FOXP1: variants seen among roughly 807,000 people sequenced by gnomAD.
FOXP1 encodes forkhead box P1.
Under a neutral mutation model 98.2 loss-of-function variants are expected in FOXP1, and 15 were observed. The ratio of observed to expected loss-of-function variants is 0.15; its 90% CI spans 0.10 to 0.24. The LOEUF (loss-of-function observed/expected upper bound fraction) is 0.24, where lower values mean the gene tolerates loss of function less well. Ranked by LOEUF, FOXP1 falls within the 10% of genes least tolerant of loss-of-function variation. The pLI, the probability that FOXP1 is intolerant of heterozygous loss-of-function variation, is 1.00. For missense variants in FOXP1, 633 were observed against 848.5 expected (o/e 0.75, Z 3.15); for synonymous variants, 371 against 314.5 (o/e 1.18, Z -1.90).
intron 3 of FOXP1, among the ~76,000 whole-genome samples, chr3:71,395,100 CAAAAA>C (rs10543398): frequency 1.6e-5 from 1 of 63,808 alleles, no homozygotes; most frequent in Non-Finnish European, 2.8e-5. Flanking sequence ...AACCCCGTCA[CAAAAA>C]AAAAAAAAAA....
intron 3 of FOXP1, among the ~76,000 whole-genome samples, chr3:71,422,355 G>A (rs143897975): frequency 3.3e-5 from 5 of 152,282 alleles, no homozygotes; most frequent in African/African-American, 9.6e-5. Flanking sequence ...CTAAATGCAC[G>A]TGAATCACCT....
chr3:71,075,763 G>A (rs189452657), intron 7 of FOXP1, among the ~76,000 whole-genome samples: 26 of 151,896 alleles, frequency 1.7e-4, no homozygotes, highest in Non-Finnish European at 1.2e-4. Context: ...CACCCAGACT[G>A]GAGTGCAGTA....
intron 6 of FOXP1, among the ~76,000 whole-genome samples, chr3:71,179,810 TTC>T (rs759780719): frequency 2.6e-5 from 4 of 152,260 alleles, no homozygotes; most frequent in African/African-American, 7.2e-5. Context: ...TATAGCTTTT[TTC>T]TCTGTTTGCT....
At chr3:71,367,546 G>A (rs1031176917) in intron 3 of FOXP1, among the ~76,000 whole-genome samples, 2 of 152,048 alleles carry the variant, frequency 1.3e-5, no homozygotes, top group Non-Finnish European at 2.9e-5. Flanking sequence ...GAGGGATATC[G>A]AAGATTAGAT....
chr3:71,259,103 C>T lies in FOXP1; in HGVS notation c.-12+40717G>A, dbSNP rs945698771. 4.6e-5 allele frequency among the ~76,000 whole-genome samples: 7 copies of T among 152,098 alleles called. No homozygotes were observed. The South Asian group carries it at 1.5e-3, about 32-fold the overall frequency. On this transcript the variant is annotated intron_variant, in intron 5 of 20. Transcript: ENST00000649528. ...GAGGTGCAGTGAGCTGAGATCGTGCCACTGCACTCCAACCTGGGTGACAGA... is the reference window on the plus strand; with the variant it reads ...GAGGTGCAGTGAGCTGAGATCGTGCTACTGCACTCCAACCTGGGTGACAGA...
chr3:71,169,676 C>T (rs1474137997), intron 6 of FOXP1, among the ~76,000 whole-genome samples: 1 of 150,236 alleles, frequency 6.7e-6, no homozygotes, highest in African/African-American at 2.5e-5. Flanking sequence ...TCTTTTGTGC[C>T]TGAGAAAATA....
chr3:71,103,558 C>T (rs751749672), intron 7 of FOXP1, among the ~76,000 whole-genome samples: 11 of 152,106 alleles, frequency 7.2e-5, no homozygotes, highest in Non-Finnish European at 1.3e-4. Context: ...CATGGTATTG[C>T]ACCAAATGCT....
chr3:71,402,743 T>C (rs1259738443), intron 3 of FOXP1, among the ~76,000 whole-genome samples: 2 of 152,240 alleles, frequency 1.3e-5, no homozygotes, highest in East Asian at 3.8e-4. Flanking sequence ...TGATGGAATG[T>C]GCTGCTGAGA....
intron 7 of FOXP1, among the ~76,000 whole-genome samples, chr3:71,076,237 T>C (rs2053793597): frequency 6.6e-6 from 1 of 152,188 alleles, no homozygotes; most frequent in Non-Finnish European, 1.5e-5. Flanking sequence ...AATAGCATCA[T>C]TGTTTAACAG....
chr3:71,412,171 G>GGCCGGGCGCGGTGGCTCACGC (rs2082802495), intron 3 of FOXP1, among the ~76,000 whole-genome samples: 1 of 152,160 alleles, frequency 6.6e-6, no homozygotes, highest in African/African-American at 2.4e-5. Flanking sequence ...GGGACAGGTC[G>GGCCGGGCGCGGTGGCTCACGC]CATGGTGTAG....
At position 71,297,130 on chromosome 3, in the gene FOXP1, T is replaced by C. The variant is rs760929727; in HGVS notation, c.-12+2690A>G. Among the ~76,000 whole-genome samples the C allele has an allele frequency of 8.9e-4, 135 of 152,210 alleles. 1 individual carries two copies. The highest frequency in any genetic ancestry group is 1.6e-3 in the Non-Finnish European group (107 of 67,996). On this transcript the variant is annotated intron_variant, in intron 5 of 20. Transcript: ENST00000649528. The stretch of plus-strand genomic sequence containing the variant: ...CAAAGACAACAAAAAAAGCTGAAAG[T>C]AGAGAACAACTATAGAGACTGAGCA...
chr3:71,217,819 T>C (rs1255493705), intron 5 of FOXP1, among the ~76,000 whole-genome samples: 1 of 152,088 alleles, frequency 6.6e-6, no homozygotes, highest in Non-Finnish European at 1.5e-5. Context: ...TTCATCCACT[T>C]CTCCCTGCTT....
chr3:71,028,984 G>T (rs763071916), intron 11 of FOXP1, among the ~76,000 whole-genome samples: 1 of 152,166 alleles, frequency 6.6e-6, no homozygotes. Context: ...GAGCGATGGG[G>T]AGCGGCTGTA....
At chr3:71,432,846 TAAAAAAAAAA>T (rs369694659) in intron 3 of FOXP1, among the ~76,000 whole-genome samples, 1 of 92,280 alleles carries the variant, frequency 1.1e-5, no homozygotes, top group Admixed American at 1.1e-4. Flanking sequence ...GTGAACATGT[TAAAAAAAAAA>T]AAAAAAAAAA....
At chr3:71,498,360 G>T (rs558577065) in intron 2 of FOXP1, among the ~76,000 whole-genome samples, 2 of 152,146 alleles carry the variant, frequency 1.3e-5, no homozygotes, top group African/African-American at 4.8e-5. Flanking sequence ...CCCTGAGGCC[G>T]GGACCTAGCA....
At chr3:71,216,136 C>A (rs992984644) in intron 5 of FOXP1, among the ~76,000 whole-genome samples, 1 of 152,196 alleles carries the variant, frequency 6.6e-6, no homozygotes, top group African/African-American at 2.4e-5. Context: ...ACTGACAACT[C>A]CCACCCCAGG....
In FOXP1 at chr3:70,957,624, C is replaced by T; in HGVS notation, c.*1623G>A. ...TAAATAAATGACAGGAAAGTGGGTG[C>T]AGAGCTGAAGTGTGGAGGGGTTCTA... On this transcript the variant is annotated 3_prime_UTR_variant, in exon 21 of 21. Coordinates refer to ENST00000649528, the MANE Select transcript of FOXP1 (RefSeq NM_001349338.3). 4.3e-6 allele frequency: 1 copy of T among 232,776 alleles called. No individual in the cohort carries two copies. The highest frequency in any genetic ancestry group is 6.1e-5 in the East Asian group (1 of 16,488). The allele number at this position is 232,776 out of a possible 1,614,324, so 14.4% of individuals were successfully genotyped here. A position where few individuals can be genotyped will look rare whatever the true frequency, so the allele number is the denominator to read the frequency against.
At chr3:71,272,679 C>A (rs1438286492) in intron 5 of FOXP1, among the ~76,000 whole-genome samples, 1 of 152,082 alleles carries the variant, frequency 6.6e-6, no homozygotes, top group Non-Finnish European at 1.5e-5. Context: ...TGTCACTGGG[C>A]TGCAGTCAAG....
intron 6 of FOXP1, among the ~76,000 whole-genome samples, chr3:71,117,971 C>G (rs1020241842): frequency 3.9e-5 from 6 of 152,194 alleles, no homozygotes; most frequent in Admixed American, 2.6e-4. Context: ...GCTCTCTGAG[C>G]TAAAAGAAGA....
Sources: allele counts gnomAD v4.1 joint callset (sites outside exome capture counted in the v4.1 genomes callset), GRCh38; gene constraint gnomAD v4.1.1; transcripts MANE v1.5; gene names NCBI Gene and HGNC (gene_info 2026-07-23, HGNC 2026-07-21).